PPP2R3A: variants seen among roughly 807,000 people sequenced by gnomAD.
The protein encoded by PPP2R3A is serine/threonine-protein phosphatase 2A regulatory subunit B'' subunit alpha.
Under a neutral mutation model 106.9 loss-of-function variants are expected in PPP2R3A, and 80 were observed. That is an observed-to-expected ratio of 0.75 (90% CI 0.62 to 0.90). The LOEUF (loss-of-function observed/expected upper bound fraction) is 0.90. Among genes scored for constraint, PPP2R3A ranks in the 40% least tolerant of loss-of-function variants. The pLI is 0.00. For synonymous variants in PPP2R3A, 483 were observed against 468.3 expected (o/e 1.03, Z -0.41); for missense variants, 1,386 against 1,350.4 (o/e 1.03, Z -0.41).
intron 13 of PPP2R3A, among the ~76,000 whole-genome samples, chr3:136,114,078 T>C (rs905820260): frequency 3.3e-5 from 5 of 152,092 alleles, no homozygotes; most frequent in Admixed American, 6.6e-5. Flanking sequence ...GTTCATCTCA[T>C]TGGGACTGGT....
chr3:136,107,883 A>G (rs1937542301), intron 13 of PPP2R3A, among the ~76,000 whole-genome samples: 1 of 152,184 alleles, frequency 6.6e-6, no homozygotes, highest in Non-Finnish European at 1.5e-5. Flanking sequence ...GGGTTAGCAT[A>G]CCAATCTTAA....
At chr3:136,112,287 A>G (rs974880328) in intron 13 of PPP2R3A, among the ~76,000 whole-genome samples, 2 of 152,150 alleles carry the variant, frequency 1.3e-5, no homozygotes, top group Admixed American at 6.5e-5. Context: ...TGGAAGTCCT[A>G]TCCAGAGCAA....
In PPP2R3A at chr3:136,088,767, G is replaced by A. The variant is rs9810089; in HGVS notation, c.2837+836G>A. On this transcript the variant is annotated intron_variant, in intron 9 of 13. Coordinates refer to ENST00000264977, the MANE Select transcript of PPP2R3A (RefSeq NM_002718.5). The stretch of plus-strand genomic sequence containing the variant: ...TCACCAGCATGTGTTACATTTTGAC[G>A]TTTTAGTAGTTGACATTCTGGCTGT... Among the ~76,000 whole-genome samples the A allele has an allele frequency of 8.3e-3, 1,262 of 152,080 alleles. 11 individuals carry two copies. The highest frequency in any genetic ancestry group is 0.014 in the Middle Eastern group (4 of 294).
At chr3:136,053,642 A>G (rs909813316) in intron 5 of PPP2R3A, among the ~76,000 whole-genome samples, 2 of 152,236 alleles carry the variant, frequency 1.3e-5, no homozygotes, top group Admixed American at 6.5e-5. Flanking sequence ...CTAACAAGAC[A>G]ATAAAGCATG....
intron 10 of PPP2R3A, among the ~76,000 whole-genome samples, chr3:136,095,058 C>A (rs1031793183): frequency 6.6e-6 from 1 of 152,180 alleles, no homozygotes; most frequent in Non-Finnish European, 1.5e-5. Context: ...ATGCTAGGTG[C>A]CCCTCTCTGG....
At chr3:136,110,711 C>G (rs1937580201) in intron 13 of PPP2R3A, among the ~76,000 whole-genome samples, 1 of 152,152 alleles carries the variant, frequency 6.6e-6, no homozygotes, top group Admixed American at 6.5e-5. Flanking sequence ...CTGAGCTATT[C>G]ATTTCATATT....
intron 4 of PPP2R3A, among the ~76,000 whole-genome samples, chr3:136,045,763 C>T (rs1935450076): frequency 1.3e-5 from 2 of 152,186 alleles, no homozygotes; most frequent in African/African-American, 4.8e-5. Flanking sequence ...TACCCCTAAC[C>T]TGCAGTCTAC....
At chr3:136,144,478 T>C (rs1175265875) in intron 13 of PPP2R3A, among the ~76,000 whole-genome samples, 1 of 152,008 alleles carries the variant, frequency 6.6e-6, no homozygotes, top group Admixed American at 6.6e-5. Context: ...CTGGCCAACA[T>C]GGTGAAACCC....
intron 9 of PPP2R3A, among the ~76,000 whole-genome samples, chr3:136,089,825 GGTTA>G (rs764711716): frequency 3.2e-4 from 49 of 151,896 alleles, no homozygotes; most frequent in African/African-American, 9.2e-4. Flanking sequence ...TCACCTCCTT[GGTTA>G]GCTGTATTCC....
intron 3 of PPP2R3A, among the ~76,000 whole-genome samples, chr3:136,040,328 T>C (rs192073162): frequency 9.4e-4 from 143 of 152,260 alleles, no homozygotes; most frequent in African/African-American, 3.3e-3. Context: ...TCATTTGAGA[T>C]CGGAAGGTCA....
At chr3:136,062,096 C>G (rs1936097300) in intron 5 of PPP2R3A, among the ~76,000 whole-genome samples, 1 of 152,120 alleles carries the variant, frequency 6.6e-6, no homozygotes, top group Admixed American at 6.5e-5. Flanking sequence ...ATTTCTGTAT[C>G]TTGCTAACCT....
chr3:136,093,432 T>TTC (rs1368033433), intron 10 of PPP2R3A, among the ~76,000 whole-genome samples: 18 of 152,182 alleles, frequency 1.2e-4, no homozygotes, highest in African/African-American at 3.9e-4. Context: ...AATTAATACT[T>TTC]TTGTGCATCA....
chr3:135,977,401 G>A (rs1177168188), intron 1 of PPP2R3A, among the ~76,000 whole-genome samples: 11 of 152,208 alleles, frequency 7.2e-5, no homozygotes, highest in Non-Finnish European at 1.5e-4. Context: ...TTTGAGTGGT[G>A]TGATGCAAAC....
At chr3:136,048,398 C>T (rs1196108787) in intron 4 of PPP2R3A, among the ~76,000 whole-genome samples, 4 of 152,238 alleles carry the variant, frequency 2.6e-5, no homozygotes, top group Admixed American at 6.5e-5. Context: ...TTAGGCCAGG[C>T]GCCGTGGCTC....
intron 4 of PPP2R3A, among the ~76,000 whole-genome samples, chr3:136,048,208 G>A (rs566286716): frequency 6.6e-6 from 1 of 152,290 alleles, no homozygotes; most frequent in African/African-American, 2.4e-5. Context: ...AAGAGTTCCT[G>A]GAAGGTGAAG....
chr3:136,061,119 G>C (rs1160301174), intron 5 of PPP2R3A, among the ~76,000 whole-genome samples: 1 of 152,108 alleles, frequency 6.6e-6, no homozygotes, highest in Non-Finnish European at 1.5e-5. Flanking sequence ...GGTACCAAAA[G>C]CTCAGCATAA....
intron 8 of PPP2R3A, among the ~76,000 whole-genome samples, chr3:136,086,036 G>C (rs915834794): frequency 1.3e-5 from 2 of 151,970 alleles, no homozygotes; most frequent in Non-Finnish European, 2.9e-5. Context: ...AGGCTGAGAT[G>C]GGAGGATCTC....
intron 7 of PPP2R3A, chr3:136,079,122 T>C: frequency 2.2e-6 from 1 of 447,378 alleles, no homozygotes; most frequent in Non-Finnish European, 4.5e-6. Flanking sequence ...ACTTACTCTT[T>C]ATTTTTTCCT....
intron 10 of PPP2R3A, among the ~76,000 whole-genome samples, chr3:136,100,187 G>T (rs545772911): frequency 6.6e-6 from 1 of 152,174 alleles, no homozygotes; most frequent in South Asian, 2.1e-4. Context: ...ATCAATACTG[G>T]ATAAACAATG....
Sources: allele counts gnomAD v4.1 joint callset (sites outside exome capture counted in the v4.1 genomes callset), GRCh38; gene constraint gnomAD v4.1.1; transcripts MANE v1.5; gene names NCBI Gene and HGNC (gene_info 2026-07-23, HGNC 2026-07-21).